Variants in SIL1 observed in about 807,000 individuals in gnomAD.
SIL1 encodes SIL1 nucleotide exchange factor.
SIL1 carries 40 observed loss-of-function variants against 49.1 expected under a neutral mutation model. The observed-to-expected ratio is 0.81, with a 90% CI of 0.63 to 1.06. The LOEUF (loss-of-function observed/expected upper bound fraction) is 1.06. SIL1 is among the 50% of genes least tolerant of loss of function. SIL1 has a pLI of 0.00. For missense variants in SIL1, 500 were observed against 572.6 expected, an observed-to-expected ratio of 0.87 and a Z score of 1.29; for synonymous variants, 253 against 250.8, an observed-to-expected ratio of 1.01 and a Z score of -0.08.
chr5:138,959,851 G>T (rs372925225), intron 7 of SIL1, among the ~76,000 whole-genome samples: 1 of 152,318 alleles, frequency 6.6e-6, no homozygotes, highest in East Asian at 1.9e-4. Flanking sequence ...CTAGATTTTT[G>T]TTAGTAGCCT....
At chr5:139,018,686 T>C (rs1768453048) in intron 7 of SIL1, among the ~76,000 whole-genome samples, 1 of 151,912 alleles carries the variant, frequency 6.6e-6, no homozygotes, top group Non-Finnish European at 1.5e-5. Flanking sequence ...AAGGTTTTTA[T>C]TGCAGAAAGA....
At chr5:138,981,840 T>TC (rs149551550) in intron 7 of SIL1, among the ~76,000 whole-genome samples, 7,689 of 152,146 alleles carry the variant, frequency 0.051, 281 homozygotes, top group South Asian at 0.13. Flanking sequence ...TCTTTTTTTT[T>TC]TCTCTCTCTC....
chr5:139,113,340 A>C (rs1561867315), intron 3 of SIL1, among the ~76,000 whole-genome samples: 1 of 151,774 alleles, frequency 6.6e-6, no homozygotes, highest in Non-Finnish European at 1.5e-5. Context: ...TAAAAAAAAA[A>C]GTTTCACACC....
At chr5:139,048,381 T>G (rs7445197) in intron 4 of SIL1, among the ~76,000 whole-genome samples, 23,308 of 136,860 alleles carry the variant, frequency 0.17, 2,504 homozygotes, top group East Asian at 0.46. Flanking sequence ...TTTTTTTTTT[T>G]TTTTTTTTTT....
rs760451548 is a variant in SIL1, at chr5:139,027,000, G to A, written c.454-8C>T. 15 of 1,613,932 alleles carry A rather than the reference G, an allele frequency of 9.3e-6. No individual in the cohort carries two copies. In the East Asian group the frequency reaches 3.3e-4, roughly 36 times the overall value. ...TACCTCAGCCTGCCTTGCCTAAGGAGAGCAGCAAAGAGGTGATTAAATTGG... is the reference window on the plus strand; with the variant it reads ...TACCTCAGCCTGCCTTGCCTAAGGAAAGCAGCAAAGAGGTGATTAAATTGG... On this transcript the variant is annotated splice_polypyrimidine_tract_variant and splice_region_variant and intron_variant, in intron 5 of 9. Coordinates refer to ENST00000394817, the MANE Select transcript of SIL1 (RefSeq NM_022464.5).
chr5:139,084,806 A>T (rs533817941), intron 3 of SIL1, among the ~76,000 whole-genome samples: 28 of 152,272 alleles, frequency 1.8e-4, no homozygotes, highest in East Asian at 3.9e-4. Flanking sequence ...TAAATAAAAA[A>T]AAATAAAAAA....
chr5:139,096,275 G>A (rs942809317), intron 3 of SIL1, among the ~76,000 whole-genome samples: 2 of 152,128 alleles, frequency 1.3e-5, no homozygotes, highest in Non-Finnish European at 2.9e-5. Flanking sequence ...CACCGATCCC[G>A]GCAGTTTAAA....
chr5:138,994,301 G>A (rs1049597840), intron 7 of SIL1, among the ~76,000 whole-genome samples: 1 of 152,020 alleles, frequency 6.6e-6, no homozygotes, highest in Non-Finnish European at 1.5e-5. Context: ...CAAGTTTGTT[G>A]GCTATAAAGT....
At chr5:139,010,526 G>A (rs1055676643) in intron 7 of SIL1, among the ~76,000 whole-genome samples, 8 of 152,290 alleles carry the variant, frequency 5.3e-5, no homozygotes, top group Admixed American at 3.9e-4. Context: ...TCCTTTGGAG[G>A]AGGAGAGGCG....
intron 1 of SIL1, among the ~76,000 whole-genome samples, chr5:139,141,342 G>A (rs897025122): frequency 2.0e-5 from 3 of 152,070 alleles, no homozygotes; most frequent in Non-Finnish European, 4.4e-5. Flanking sequence ...ATGGACTGTG[G>A]TAATACATAA....
intron 1 of SIL1, among the ~76,000 whole-genome samples, chr5:139,155,908 C>A (rs539331072): frequency 2.0e-5 from 3 of 152,100 alleles, no homozygotes; most frequent in East Asian, 3.9e-4. Context: ...TCTGGGCTCA[C>A]TGCAACCTCT....
intron 7 of SIL1, among the ~76,000 whole-genome samples, chr5:138,970,152 G>C (rs996571211): frequency 2.1e-4 from 32 of 152,374 alleles, no homozygotes; most frequent in African/African-American, 7.0e-4. Flanking sequence ...AGCAGAGGCA[G>C]AGAGGAAGGG....
chr5:139,123,355 G>A (rs770245487), intron 2 of SIL1, among the ~76,000 whole-genome samples: 3 of 152,204 alleles, frequency 2.0e-5, no homozygotes, highest in Non-Finnish European at 4.4e-5. Flanking sequence ...CCAGAGGGCA[G>A]GCACCATGTC....
chr5:139,184,225 G>A (rs943903641), intron 1 of SIL1, among the ~76,000 whole-genome samples: 1 of 152,200 alleles, frequency 6.6e-6, no homozygotes, highest in South Asian at 2.1e-4. Flanking sequence ...GAATTCCAAA[G>A]AGGACTGCCT....
intron 2 of SIL1, among the ~76,000 whole-genome samples, chr5:139,122,769 A>C (rs1750671506): frequency 6.6e-6 from 1 of 152,214 alleles, no homozygotes; most frequent in South Asian, 2.1e-4. Context: ...TGAAATTTAG[A>C]TGGCAGAATT....
At chr5:138,966,261 T>G (rs979542386) in intron 7 of SIL1, among the ~76,000 whole-genome samples, 4 of 152,076 alleles carry the variant, frequency 2.6e-5, no homozygotes, top group Admixed American at 6.5e-5. Flanking sequence ...ATGGCAGACT[T>G]AGTTTAGCTT....
In SIL1 at chr5:139,110,220, T is replaced by C. The variant is rs1041084594; in HGVS notation, c.244+10815A>G. 8.6e-5 allele frequency among the ~76,000 whole-genome samples: 13 copies of C among 150,460 alleles called. No homozygotes were observed. In the East Asian group the frequency reaches 2.5e-3, roughly 29 times the overall value. The stretch of plus-strand genomic sequence containing the variant: ...ATGACTTGACCAAACTGGGAGATGA[T>C]GGAATAGAGATTAAAAAGATGATGT... On this transcript the variant is annotated intron_variant, in intron 3 of 9. Coordinates refer to ENST00000394817, the MANE Select transcript of SIL1 (RefSeq NM_022464.5).
At chr5:139,153,911 A>C (rs945195198) in intron 1 of SIL1, among the ~76,000 whole-genome samples, 1 of 152,186 alleles carries the variant, frequency 6.6e-6, no homozygotes, top group Non-Finnish European at 1.5e-5. Flanking sequence ...TTACAGACAG[A>C]AATCCTTCCA....
chr5:139,121,220 G>T (rs774747440), intron 2 of SIL1, 47 bp from the exon 3 acceptor site: 12 of 1,613,060 alleles, frequency 7.4e-6, no homozygotes, highest in Non-Finnish European at 9.3e-6. Context: ...CTAGGCGCCA[G>T]GTAAGCAGAA....
Sources: gnomAD v4.1 joint callset for allele counts (sites outside exome capture counted in the v4.1 genomes callset) on GRCh38, gnomAD v4.1.1 for gene constraint, MANE v1.5 for transcripts, NCBI Gene and HGNC (gene_info 2026-07-23, HGNC 2026-07-21) for gene names.